The following EYS variants were observed in gnomAD, a reference collection of about 807,000 sequenced individuals.
The protein encoded by EYS is protein eyes shut homolog.
A neutral mutation model predicts 282.1 loss-of-function variants in EYS; 250 were observed. The observed-to-expected ratio is 0.89, with a 90% CI of 0.80 to 0.98. The LOEUF (loss-of-function observed/expected upper bound fraction) is 0.98, where lower values mean the gene tolerates loss of function less well. Ranked by LOEUF, EYS falls within the 50% of genes least tolerant of loss-of-function variation. The probability of loss-of-function intolerance (pLI) is 0.00; values close to 1 mark genes in which losing one functional copy is unlikely to be tolerated. For missense variants in EYS, 4,016 were observed against 3,709.0 expected (o/e 1.08, Z -2.15); for synonymous variants, 1,355 against 1,282.9 (o/e 1.06, Z -1.20).
At chr6:63,799,849 A>G (rs986657614) in intron 37 of EYS, among the ~76,000 whole-genome samples, 2 of 152,218 alleles carry the variant, frequency 1.3e-5, no homozygotes, top group African/African-American at 4.8e-5. Flanking sequence ...ACATTACATG[A>G]ATGAGTAGGT....
chr6:64,697,895 T>G (rs1448381233), intron 22 of EYS, among the ~76,000 whole-genome samples: 1 of 152,078 alleles, frequency 6.6e-6, no homozygotes, highest in Non-Finnish European at 1.5e-5. Flanking sequence ...TGAGCTGAGA[T>G]TGTACCACTG....
intron 24 of EYS, among the ~76,000 whole-genome samples, chr6:64,616,440 T>C (rs1767277901): frequency 6.6e-6 from 1 of 152,114 alleles, no homozygotes; most frequent in Non-Finnish European, 1.5e-5. Flanking sequence ...TTCATATCCC[T>C]CCAAAACAGA....
At chr6:64,248,026 A>G (rs955188915) in intron 30 of EYS, among the ~76,000 whole-genome samples, 15 of 152,168 alleles carry the variant, frequency 9.9e-5, no homozygotes, top group African/African-American at 2.9e-4. Flanking sequence ...GTCCTAAAAG[A>G]CCAGAAGGAC....
intron 41 of EYS, among the ~76,000 whole-genome samples, chr6:63,737,865 C>A (rs1180961577): frequency 6.6e-6 from 1 of 151,856 alleles, no homozygotes. Flanking sequence ...CCAGAATCTA[C>A]AATGAACTCA....
chr6:64,080,381 C>G (rs1374336267), intron 32 of EYS, among the ~76,000 whole-genome samples: 1 of 151,870 alleles, frequency 6.6e-6, no homozygotes, highest in East Asian at 1.9e-4. Flanking sequence ...CTGTTCATAT[C>G]CTTCACCCAC....
At chr6:65,616,774 C>T (rs1238672170) in intron 2 of EYS, among the ~76,000 whole-genome samples, 5 of 141,000 alleles carry the variant, frequency 3.5e-5, no homozygotes, top group Non-Finnish European at 6.0e-5. Context: ...GACAGAGTGA[C>T]ACTCTGTCTA....
In EYS at chr6:63,762,501, A is replaced by G. The variant is rs1306499925; in HGVS notation, c.8031T>C (p.Cys2677=). Residue 2677 remains cysteine (C), a synonymous_variant, in exon 41 of 43, where the codon TGT becomes TGC. Transcript: ENST00000503581. ...TCISLPHGYT[C]FCPLGTTGIY... is the part of the protein sequence containing the mutation. ...TTCCAGTGGTTCCTAGAGGACAGAAACAGGTGTATCCATGAGGTAATGAAA... is the reference window on the plus strand; with the variant it reads ...TTCCAGTGGTTCCTAGAGGACAGAAGCAGGTGTATCCATGAGGTAATGAAA... 3.9e-6 allele frequency: 6 copies of G among 1,550,158 alleles called. No individual in the cohort carries two copies. Among genetic ancestry groups the G allele is most frequent in the Non-Finnish European group, 3.5e-6 (4 of 1,145,998 alleles).
At chr6:64,373,867 C>G (rs1772474216) in intron 29 of EYS, among the ~76,000 whole-genome samples, 1 of 152,042 alleles carries the variant, frequency 6.6e-6, no homozygotes. Flanking sequence ...TTCCATGTTT[C>G]CTGGGACAAT....
chr6:64,267,998 T>C lies in EYS; in HGVS notation c.6192-37174A>G, dbSNP rs2150356060. Among the ~76,000 whole-genome samples, 3 of 152,254 alleles carry C rather than the reference T, an allele frequency of 2.0e-5. No individual in the cohort carries two copies. In the Middle Eastern group the frequency reaches 0.01, roughly 518 times the overall value. On this transcript the variant is annotated intron_variant, in intron 30 of 42. Transcript: ENST00000503581. ...TATTGATTTTGTGTTTAAAAGCATATATCTTTCCACTTTTGAAAGTTTATC... is the reference window on the plus strand; with the variant it reads ...TATTGATTTTGTGTTTAAAAGCATACATCTTTCCACTTTTGAAAGTTTATC...
At chr6:64,939,693 C>T (rs1016468734) in intron 15 of EYS, among the ~76,000 whole-genome samples, 4 of 151,142 alleles carry the variant, frequency 2.6e-5, no homozygotes, top group African/African-American at 4.9e-5. Flanking sequence ...CACATACACA[C>T]GTGTATTTAA....
At chr6:64,210,737 T>C (rs946124450) in intron 31 of EYS, among the ~76,000 whole-genome samples, 2 of 152,182 alleles carry the variant, frequency 1.3e-5, no homozygotes, top group East Asian at 3.9e-4. Context: ...TGGTAAAGTG[T>C]TATTTCTGGG....
intron 5 of EYS, among the ~76,000 whole-genome samples, chr6:65,435,117 A>G (rs1582287159): frequency 6.6e-6 from 1 of 152,006 alleles, no homozygotes; most frequent in Middle Eastern, 3.5e-3. Context: ...AAAAAAATTG[A>G]AAGACAAATT....
At chr6:64,218,703 C>G (rs779446539) in intron 31 of EYS, among the ~76,000 whole-genome samples, 1 of 152,112 alleles carries the variant, frequency 6.6e-6, no homozygotes, top group Non-Finnish European at 1.5e-5. Flanking sequence ...AATTAGGAAG[C>G]AGGAAATGGA....
intron 37 of EYS, among the ~76,000 whole-genome samples, chr6:63,793,996 G>A (rs1387830741): frequency 2.0e-5 from 3 of 152,176 alleles, no homozygotes; most frequent in Non-Finnish European, 4.4e-5. Flanking sequence ...AGACAGCCTG[G>A]TTCCAGAGCC....
At chr6:63,762,686 C>T (rs1769676639) in intron 40 of EYS, 53 bp from the exon 41 acceptor site, 3 of 1,488,904 alleles carry the variant, frequency 2.0e-6, no homozygotes, top group Admixed American at 2.2e-5. Context: ...GAGATGGATA[C>T]ATACTATGTA....
At chr6:64,995,836 A>G (rs1771241797) in intron 14 of EYS, among the ~76,000 whole-genome samples, 1 of 152,070 alleles carries the variant, frequency 6.6e-6, no homozygotes, top group African/African-American at 2.4e-5. Flanking sequence ...TAAATGAGAC[A>G]AGAATATCCT....
At chr6:64,592,490 A>G (rs2149832946) in intron 25 of EYS, among the ~76,000 whole-genome samples, 1 of 152,282 alleles carries the variant, frequency 6.6e-6, no homozygotes, top group South Asian at 2.1e-4. Context: ...TACTTAGAAT[A>G]CCCAATAGCC....
rs1562210133 is a variant in EYS, at chr6:64,822,643, AT to A, written c.3164+7del. 1 of 1,516,716 alleles carries A rather than the reference AT, an allele frequency of 6.6e-7. No homozygotes were observed. Among genetic ancestry groups the A allele is most frequent in the Non-Finnish European group, 8.8e-7 (1 of 1,136,330 alleles). 94.0% of individuals were successfully genotyped at this position (1,516,716 alleles called of 1,614,324 possible). A position where few individuals can be genotyped will look rare whatever the true frequency, so the allele number is the denominator to read the frequency against. On this transcript the variant is annotated splice_region_variant and intron_variant, in intron 20 of 42. Transcript: ENST00000503581. Reference sequence around the variant, plus strand: ...TTTCATAAAGCTAATAATAAAAAAAATAGCTACCTTCCATGTAGACAAGGAT... The same window carrying A: ...TTTCATAAAGCTAATAATAAAAAAAAAGCTACCTTCCATGTAGACAAGGAT...
At chr6:65,679,543 G>C (rs1768745260) in intron 1 of EYS, among the ~76,000 whole-genome samples, 1 of 151,746 alleles carries the variant, frequency 6.6e-6, no homozygotes, top group Non-Finnish European at 1.5e-5. Context: ...CGAAGAAATG[G>C]GGAAATGAGG....
Sources: gnomAD v4.1 joint callset for allele counts (sites outside exome capture counted in the v4.1 genomes callset) on GRCh38, gnomAD v4.1.1 for gene constraint, MANE v1.5 for transcripts, NCBI Gene and HGNC (gene_info 2026-07-23, HGNC 2026-07-21) for gene names.